The following C8orf76 variants were observed in gnomAD, a reference collection of about 807,000 sequenced individuals.
The protein encoded by C8orf76 is chromosome 8 open reading frame 76, also known as uncharacterized protein C8orf76.
In C8orf76, 46 loss-of-function variants were observed where a neutral mutation model predicts 38.1. The observed-to-expected ratio is 1.21, with a 90% CI of 0.95 to 1.54. The LOEUF is 1.54. Among genes scored for constraint, C8orf76 ranks in the 40% most tolerant of loss-of-function variants. The pLI, the probability that C8orf76 is intolerant of heterozygous loss-of-function variation, is 0.00. For synonymous variants in C8orf76, 166 were observed against 167.5 expected (o/e 0.99, Z 0.07); for missense variants, 461 against 441.6 (o/e 1.04, Z -0.39).
rs1825007577 is a variant in C8orf76 at position 123,225,331 on chromosome 8, G to A, written c.948+1169C>T. On this transcript the variant is annotated intron_variant, in intron 5 of 5. Coordinates refer to ENST00000276704, the MANE Select transcript of C8orf76 (RefSeq NM_032847.3). Reference sequence around the variant, plus strand: ...CCATTTTAGACATTTTGTACTTGAAGTGACAGAAGAGTAATCAATAATTAT... The same window carrying A: ...CCATTTTAGACATTTTGTACTTGAAATGACAGAAGAGTAATCAATAATTAT... 2.0e-5 allele frequency among the ~76,000 whole-genome samples: 3 copies of A among 152,144 alleles called. No individual in the cohort carries two copies. In the South Asian group the frequency reaches 6.2e-4, roughly 32 times the overall value.
intron 1 of C8orf76, among the ~76,000 whole-genome samples, chr8:123,240,572 T>C (rs1825647520): frequency 6.6e-6 from 1 of 152,198 alleles, no homozygotes; most frequent in Non-Finnish European, 1.5e-5. Context: ...CTATTATTAA[T>C]AAAAACTGTT....
intron 3 of C8orf76, among the ~76,000 whole-genome samples, chr8:123,232,796 G>A (rs1170206198): frequency 6.6e-6 from 1 of 152,262 alleles, no homozygotes; most frequent in Admixed American, 6.5e-5. Flanking sequence ...TTCAGCATCT[G>A]TCCTTCCCAA....
intron 3 of C8orf76, among the ~76,000 whole-genome samples, chr8:123,235,095 A>C (rs1825412712): frequency 6.6e-6 from 1 of 152,138 alleles, no homozygotes; most frequent in South Asian, 2.1e-4. Context: ...TAGGACTGAA[A>C]TGTTTGTTGA....
At chr8:123,228,449 A>G (rs1825126012) in intron 4 of C8orf76, among the ~76,000 whole-genome samples, 1 of 152,096 alleles carries the variant, frequency 6.6e-6, no homozygotes, top group Non-Finnish European at 1.5e-5. Flanking sequence ...GAGAAATCCC[A>G]TCTCTACTAA....
At position 123,241,227 on chromosome 8, in the gene C8orf76, C is replaced by T; in HGVS notation, c.117+3G>A. ...ATAAGGCGAAGAGGCCCCAGCTTCTCACCTGCGGCTCGCAGAGCTTGGCGC... is the reference window on the plus strand; with the variant it reads ...ATAAGGCGAAGAGGCCCCAGCTTCTTACCTGCGGCTCGCAGAGCTTGGCGC... On this transcript the variant is annotated splice_donor_region_variant and intron_variant, in intron 1 of 5. Coordinates refer to ENST00000276704, the MANE Select transcript of C8orf76 (RefSeq NM_032847.3). The T allele has an allele frequency of 6.3e-7, 1 of 1,587,578 alleles. No homozygotes were observed. The highest frequency in any genetic ancestry group is 8.5e-7 in the Non-Finnish European group (1 of 1,171,086).
Position 123,233,936 on chromosome 8 carries a change from G to T in C8orf76, c.358-2179C>A, listed in dbSNP as rs564351178. Among the ~76,000 whole-genome samples, 3 of 151,694 alleles carry T rather than the reference G, an allele frequency of 2.0e-5. No homozygotes were observed. The East Asian group carries it at 5.9e-4, about 30-fold the overall frequency. On this transcript the variant is annotated intron_variant, in intron 3 of 5. Transcript: ENST00000276704. ...CTAGCTACTCAGGAGGTTGAGGCAG[G>T]AGAATGGCATGAACCCGGGAGGCAG...
intron 1 of C8orf76, 48 bp downstream of exon 1, chr8:123,241,182 G>A: frequency 9.2e-6 from 14 of 1,515,770 alleles, no homozygotes; most frequent in Non-Finnish European, 1.2e-5. Flanking sequence ...CCCCGCGGAG[G>A]GCGAGGCCTG....
intron 5 of C8orf76, among the ~76,000 whole-genome samples, chr8:123,222,647 A>C (rs1233861231): frequency 6.6e-6 from 1 of 152,248 alleles, no homozygotes; most frequent in Non-Finnish European, 1.5e-5. Context: ...AGAATAATGA[A>C]GCAAAAGCAA....
intron 3 of C8orf76, among the ~76,000 whole-genome samples, chr8:123,235,164 C>CAGTT (rs1470741634): frequency 1.2e-4 from 19 of 152,286 alleles, no homozygotes; most frequent in Admixed American, 1.0e-3. Context: ...TTTCTTACCA[C>CAGTT]AGTTACCACA....
chr8:123,226,473 T>C (rs1331198160), intron 5 of C8orf76, 27 bp downstream of exon 5: 1 of 1,603,768 alleles, frequency 6.2e-7, no homozygotes, highest in Non-Finnish European at 8.5e-7. Context: ...ATGCTTCGTT[T>C]CACATAAACC....
At chr8:123,221,086 A>T (rs183562352) in intron 5 of C8orf76, among the ~76,000 whole-genome samples, 1 of 152,316 alleles carries the variant, frequency 6.6e-6, no homozygotes, top group African/African-American at 2.4e-5. Flanking sequence ...CGGATATTGA[A>T]TGTGTTCATG....
At chr8:123,220,376 T>G in intron 5 of C8orf76, 79 bp from the exon 6 acceptor site, 1 of 1,116,450 alleles carries the variant, frequency 9.0e-7, no homozygotes, top group African/African-American at 1.6e-5. Flanking sequence ...CTGCGAAGGC[T>G]TTCATTCAAA....
At position 123,226,534 on chromosome 8, in the gene C8orf76, CT is replaced by C; in HGVS notation, c.913del (p.Ser305AlafsTer9). The stretch of plus-strand genomic sequence containing the variant: ...CAACAGCAAAGTGTCTTCTTTGAAG[CT>C]GAACCCTTTCATTTTATCTTCAATT... Reference protein sequence around the residue: ...QEIEDKMKGFSFKEDTLLLIA... With the variant: ...QEIEDKMKGFXFKEDTLLLIA... On this transcript the variant is annotated frameshift_variant, in exon 5 of 6. Transcript: ENST00000276704. LOFTEE classifies it low-confidence loss of function (END_TRUNC). 2 of 1,613,634 alleles carry C rather than the reference CT, an allele frequency of 1.2e-6. No individual in the cohort carries two copies. Among genetic ancestry groups the C allele is most frequent in the Non-Finnish European group, 1.7e-6 (2 of 1,179,922 alleles).
chr8:123,220,131 A>T lies in C8orf76; in HGVS notation c.1115T>A (p.Phe372Tyr). ...KDHFCPFENQ[F>Y]HTEIQILA is the part of the protein sequence containing the mutation. The stretch of plus-strand genomic sequence containing the variant: ...AGCCAAGATTTGTATCTCTGTATGG[A>T]ACTGATTTTCAAATGGACAGAAATG... The change falls in exon 6 of 6, where the codon TTC becomes TAC. Residue 372 changes from phenylalanine to tyrosine, a missense_variant. By Grantham distance (22) the Phe-to-Tyr change is conservative. Transcript: ENST00000276704. The T allele has an allele frequency of 6.2e-7, 1 of 1,612,010 alleles. No individual in the cohort carries two copies. Among genetic ancestry groups the T allele is most frequent in the East Asian group, 2.2e-5 (1 of 44,876 alleles).
rs367549655 is a variant in C8orf76, at chr8:123,220,240, A to C, written c.1006T>G (p.Cys336Gly). 19 of 1,612,590 alleles carry C rather than the reference A, an allele frequency of 1.2e-5. No homozygotes were observed. The highest frequency in any genetic ancestry group is 3.4e-6 in the Non-Finnish European group (4 of 1,179,516). ...GCAGTCAGGGCTACGGAGCCAACAC[A>C]CTTCACCTCTGGGTGAACTTCATCT... is the stretch of plus-strand genomic sequence containing the variant. ...IKDEVHPEVK[C>G]VGSVALTALV... is the part of the protein sequence containing the mutation. Residue 336 changes from cysteine (C) to glycine (G), a missense_variant, in exon 6 of 6, where the codon TGT becomes GGT. By Grantham distance (159) the Cys-to-Gly change is radical (BLOSUM62 -3). Coordinates refer to ENST00000276704, the MANE Select transcript of C8orf76 (RefSeq NM_032847.3).
At chr8:123,239,596 G>A (rs1004416149) in intron 1 of C8orf76, 9 of 157,478 alleles carry the variant, frequency 5.7e-5, no homozygotes, top group African/African-American at 2.2e-4. Context: ...TAGGAGAGAA[G>A]TCTGAGGAAA....
chr8:123,225,689 G>A (rs1361283313), intron 5 of C8orf76, among the ~76,000 whole-genome samples: 1 of 152,204 alleles, frequency 6.6e-6, no homozygotes, highest in Non-Finnish European at 1.5e-5. Flanking sequence ...CACTTTGGGA[G>A]GCCGAGGTGG....
chr8:123,236,503 A>G (rs1007137233), intron 3 of C8orf76, among the ~76,000 whole-genome samples: 1 of 152,180 alleles, frequency 6.6e-6, no homozygotes, highest in African/African-American at 2.4e-5. Context: ...TTAAAGAAAA[A>G]GAAGGCCGGG....
chr8:123,233,905 G>A (rs1825369096), intron 3 of C8orf76, among the ~76,000 whole-genome samples: 1 of 151,634 alleles, frequency 6.6e-6, no homozygotes, highest in South Asian at 2.1e-4. Context: ...GCGGGCACCT[G>A]TAGTCCTAGC....
Sources: allele counts gnomAD v4.1 joint callset (sites outside exome capture counted in the v4.1 genomes callset), GRCh38; gene constraint gnomAD v4.1.1; transcripts MANE v1.5; gene names NCBI Gene and HGNC (gene_info 2026-07-23, HGNC 2026-07-21).